RPS6KA2: variants seen among roughly 807,000 people sequenced by gnomAD.
RPS6KA2 encodes the protein ribosomal protein S6 kinase alpha-2.
Under a neutral mutation model 91.8 loss-of-function variants are expected in RPS6KA2, and 42 were observed. The ratio of observed to expected loss-of-function variants is 0.46; its 90% confidence interval spans 0.36 to 0.59. The LOEUF (loss-of-function observed/expected upper bound fraction) is 0.59. Among genes scored for constraint, RPS6KA2 ranks in the 20% least tolerant of loss-of-function variants. RPS6KA2 has a pLI of 0.00. For synonymous variants in RPS6KA2, 414 were observed against 393.6 expected, an observed-to-expected ratio of 1.05 and a Z score of -0.61; for missense variants, 798 against 978.5, an observed-to-expected ratio of 0.82 and a Z score of 2.46.
At chr6:166,498,014 C>A (rs1213887481) in intron 8 of RPS6KA2, among the ~76,000 whole-genome samples, 1 of 152,084 alleles carries the variant, frequency 6.6e-6, no homozygotes, top group Non-Finnish European at 1.5e-5. Flanking sequence ...GGAAAGGAGC[C>A]CACACAGTTC....
intron 2 of RPS6KA2, among the ~76,000 whole-genome samples, chr6:166,804,465 G>A (rs576154485): frequency 1.5e-3 from 226 of 150,746 alleles, no homozygotes; most frequent in Non-Finnish European, 2.6e-3. Flanking sequence ...TTGAACAAAC[G>A]ATCTGTGCAA....
intron 2 of RPS6KA2, among the ~76,000 whole-genome samples, chr6:166,641,757 A>AAAAAAAAAAAAC (rs1787444708): frequency 7.1e-6 from 1 of 141,202 alleles, no homozygotes; most frequent in Non-Finnish European, 1.5e-5. Flanking sequence ...AAAAAAAAAA[A>AAAAAAAAAAAAC]AAAAAAATTC....
rs60078955 is a variant in RPS6KA2, at chr6:166,665,922, T to C, written c.124-127138A>G. Among the ~76,000 whole-genome samples the C allele has an allele frequency of 0.14, 21,342 of 152,146 alleles. 1,725 individuals are homozygous for C. Among genetic ancestry groups the C allele is most frequent in the African/African-American group, 0.22 (9,202 of 41,490 alleles). On this transcript the variant is annotated intron_variant, in intron 2 of 21. Coordinates refer to the RPS6KA2 transcript ENST00000503859. This position sits in a 1 kb window ranked among gnomAD's most constrained non-coding sequence, Gnocchi z 4.5. ...CAGGAAATTCACATGTGAAATCCAG[T>C]TTCTGAGAGGCTCAGGAGCCTTCTT...
At chr6:166,577,847 C>T (rs1784883714) in intron 1 of RPS6KA2, among the ~76,000 whole-genome samples, 1 of 152,146 alleles carries the variant, frequency 6.6e-6, no homozygotes, top group Non-Finnish European at 1.5e-5. Flanking sequence ...GCATCTCCAT[C>T]CAAATCTCAT....
Position 166,500,325 on chromosome 6 carries a change from T to C in RPS6KA2, c.604+562A>G, listed in dbSNP as rs967768207. 6.6e-6 allele frequency among the ~76,000 whole-genome samples: 1 copy of C among 152,212 alleles called. No homozygotes were observed. The highest frequency in any genetic ancestry group is 1.9e-4 in the East Asian group (1 of 5,202). ...GGGAACTAATACAAATGGGGTGTCC[T>C]GAGACTAGAGGAGCTGTTGCCAGTT... On this transcript the variant is annotated intron_variant, in intron 7 of 20. Coordinates refer to ENST00000265678, the MANE Select transcript of RPS6KA2 (RefSeq NM_021135.6). The surrounding 1 kb of genome is among the most constrained non-coding windows in gnomAD (Gnocchi z 4.3).
intron 2 of RPS6KA2, among the ~76,000 whole-genome samples, chr6:166,650,363 C>T (rs1787813454): frequency 6.6e-6 from 1 of 151,396 alleles, no homozygotes; most frequent in Admixed American, 6.6e-5. Flanking sequence ...GAAGAGGGGG[C>T]ATTCTCCAGC....
chr6:166,716,734 G>A (rs1365453420), intron 2 of RPS6KA2, among the ~76,000 whole-genome samples: 1 of 152,168 alleles, frequency 6.6e-6, no homozygotes, highest in African/African-American at 2.4e-5. Flanking sequence ...TAAAATGTCA[G>A]AAAAGACAAA....
At chr6:166,569,782 A>AC (rs1020583224) in intron 1 of RPS6KA2, among the ~76,000 whole-genome samples, 1 of 151,260 alleles carries the variant, frequency 6.6e-6, no homozygotes, top group Admixed American at 6.6e-5. Flanking sequence ...CTCAAAGGAC[A>AC]CCCCCCTCGG....
At chr6:166,567,705 G>A (rs905728178) in intron 1 of RPS6KA2, among the ~76,000 whole-genome samples, 2 of 152,174 alleles carry the variant, frequency 1.3e-5, no homozygotes, top group Non-Finnish European at 2.9e-5. Context: ...CTGGGATTGA[G>A]ATAAATCACA....
At chr6:166,681,462 C>T (rs1263807234) in intron 2 of RPS6KA2, among the ~76,000 whole-genome samples, 1 of 152,180 alleles carries the variant, frequency 6.6e-6, no homozygotes, top group East Asian at 1.9e-4. Context: ...GCACCCTCCA[C>T]ACGGCATCTC....
chr6:166,634,757 T>G (rs1449221484), intron 2 of RPS6KA2, among the ~76,000 whole-genome samples: 1 of 152,104 alleles, frequency 6.6e-6, no homozygotes, highest in Non-Finnish European at 1.5e-5. Context: ...GTGCGCCACC[T>G]TGCCCAGCTA....
intron 2 of RPS6KA2, among the ~76,000 whole-genome samples, chr6:166,743,193 T>A (rs924549433): frequency 9.0e-6 from 1 of 110,842 alleles, no homozygotes; most frequent in Non-Finnish European, 1.6e-5. Flanking sequence ...ACTTGCAAAC[T>A]GTCACCAAAA....
chr6:166,571,827 A>G (rs1784697158), intron 1 of RPS6KA2, among the ~76,000 whole-genome samples: 1 of 152,220 alleles, frequency 6.6e-6, no homozygotes, highest in Non-Finnish European at 1.5e-5. Context: ...GTGCATTTGT[A>G]TCAAAAATCA....
chr6:166,412,821 G>A lies in RPS6KA2; in HGVS notation c.2143C>T (p.Leu715=). The A allele has an allele frequency of 6.3e-7, 1 of 1,584,950 alleles. No homozygotes were observed. ...CTGCGCTGAGCCAGGTTGGATGACA[G>A]CACGGGCTCCAGCCGCGGGGCCTGA... is the stretch of plus-strand genomic sequence containing the variant. ...TPQAPRLEPV[L]SSNLAQRRGM... Residue 715 remains leucine, a synonymous_variant, in exon 21 of 21, where the codon CTG becomes TTG. Coordinates refer to ENST00000265678, the MANE Select transcript of RPS6KA2 (RefSeq NM_021135.6). The surrounding 1 kb of genome is among the most constrained non-coding windows in gnomAD (Gnocchi z 4.3).
chr6:166,538,897 G>T (rs1016960780), intron 1 of RPS6KA2, 113 bp from the exon 2 acceptor site: 2 of 594,762 alleles, frequency 3.4e-6, no homozygotes, highest in Non-Finnish European at 6.1e-6. Context: ...AGATTTTAGC[G>T]CTGGAGTTTG....
Position 166,469,828 on chromosome 6 carries a change from G to T in RPS6KA2, c.972+13C>A, listed in dbSNP as rs369517205. On this transcript the variant is annotated intron_variant, in intron 11 of 20. Coordinates refer to ENST00000265678, the MANE Select transcript of RPS6KA2 (RefSeq NM_021135.6). ...CACGCGTGTGCAGGTGGGGACTGTGGCATGCAACTTACGTTCCAGTCTATG... is the reference window on the plus strand; with the variant it reads ...CACGCGTGTGCAGGTGGGGACTGTGTCATGCAACTTACGTTCCAGTCTATG... 1.9e-6 allele frequency: 3 copies of T among 1,612,190 alleles called. No homozygotes were observed. The African/African-American group carries it at 4.0e-5, about 22-fold the overall frequency.
At chr6:166,468,862 A>G (rs1218833694) in intron 11 of RPS6KA2, among the ~76,000 whole-genome samples, 2 of 79,994 alleles carry the variant, frequency 2.5e-5, no homozygotes, top group Non-Finnish European at 4.6e-5. Context: ...AGACTAAAAA[A>G]AAAAAAAAAA....
intron 11 of RPS6KA2, among the ~76,000 whole-genome samples, chr6:166,465,958 T>TGG (rs1322247161): frequency 2.0e-5 from 3 of 152,212 alleles, no homozygotes; most frequent in Non-Finnish European, 2.9e-5. Flanking sequence ...TTCAGGGCGC[T>TGG]GGGCAGAACA....
At chr6:166,682,601 A>C (rs1260232126) in intron 2 of RPS6KA2, among the ~76,000 whole-genome samples, 1 of 152,258 alleles carries the variant, frequency 6.6e-6, no homozygotes, top group Admixed American at 6.5e-5. Context: ...CTCCATAATT[A>C]GCTGTCGAAT....
Sources: allele counts gnomAD v4.1 joint callset (sites outside exome capture counted in the v4.1 genomes callset), GRCh38; gene constraint gnomAD v4.1.1; non-coding constraint Gnocchi (gnomAD v3.1); transcripts MANE v1.5; gene names NCBI Gene and HGNC (gene_info 2026-07-23, HGNC 2026-07-21).